The following MYO18A variants were observed in gnomAD, a reference collection of about 807,000 sequenced individuals.
The protein encoded by MYO18A is myosin XVIIIA.
Under a neutral mutation model 235.8 loss-of-function variants are expected in MYO18A, and 78 were observed. That is an observed-to-expected ratio of 0.33 (90% CI 0.28 to 0.40). The LOEUF (loss-of-function observed/expected upper bound fraction) is 0.40, where lower values mean the gene tolerates loss of function less well. Ranked by LOEUF, MYO18A falls within the 10% of genes least tolerant of loss-of-function variation. The probability of loss-of-function intolerance (pLI) is 1.00; values close to 1 mark genes in which losing one functional copy is unlikely to be tolerated. For synonymous variants in MYO18A, 977 were observed against 1,077.8 expected (o/e 0.91, Z 1.83); for missense variants, 2,215 against 2,699.3 (o/e 0.82, Z 3.98).
At chr17:29,128,603 A>T in intron 2 of MYO18A, 1 of 1,152,396 alleles carries the variant, frequency 8.7e-7, no homozygotes, top group Non-Finnish European at 1.1e-6. Context: ...TGCCCATCCC[A>T]TGCAGAGGGA....
In MYO18A at chr17:29,120,996, A is replaced by G; in HGVS notation, c.1585+2T>C. 1 of 1,608,618 alleles carries G rather than the reference A, an allele frequency of 6.2e-7. No individual in the cohort carries two copies. Among genetic ancestry groups the G allele is most frequent in the South Asian group, 1.1e-5 (1 of 90,002 alleles). On this transcript the variant is annotated splice_donor_variant, in intron 6 of 41. Transcript: ENST00000527372. LOFTEE classifies it high-confidence loss of function. This position sits in a 1 kb window ranked among gnomAD's most constrained non-coding sequence, Gnocchi z 4.2. ...CAGTTTTCTCCCTTGTCCCTGCCTC[A>G]CCAGAAAACACCTTGTTCCCGCTGA...
At chr17:29,162,822 C>T (rs2068202500) in intron 2 of MYO18A, among the ~76,000 whole-genome samples, 1 of 152,220 alleles carries the variant, frequency 6.6e-6, no homozygotes, top group Non-Finnish European at 1.5e-5. Flanking sequence ...CACAAATCTA[C>T]CCTACCACTG....
At chr17:29,110,298 C>T in intron 18 of MYO18A, 138 bp downstream of exon 18, 4 of 1,270,722 alleles carry the variant, frequency 3.1e-6, no homozygotes, top group Non-Finnish European at 4.2e-6. Flanking sequence ...AAGAAGACCC[C>T]CACCTGCAGC....
intron 36 of MYO18A, 100 bp downstream of exon 36, chr17:29,090,432 T>A: frequency 9.8e-7 from 1 of 1,024,672 alleles, no homozygotes; most frequent in Non-Finnish European, 1.5e-6. Flanking sequence ...GGATTACTGA[T>A]GGCAGAGAAA....
chr17:29,108,262 T>A (rs1342890703), intron 19 of MYO18A, among the ~76,000 whole-genome samples: 6 of 152,094 alleles, frequency 3.9e-5, no homozygotes, highest in African/African-American at 1.2e-4. Flanking sequence ...CCAAAAAGAC[T>A]TGTAGATTCT....
At chr17:29,092,224 G>T in intron 34 of MYO18A, 119 bp downstream of exon 34, 1 of 714,438 alleles carries the variant, frequency 1.4e-6, no homozygotes, top group Non-Finnish European at 2.4e-6. Context: ...GTCCTGGCGT[G>T]AAAGGACCTG....
At chr17:29,130,236 G>A (rs1374317939) in intron 2 of MYO18A, among the ~76,000 whole-genome samples, 1 of 140,642 alleles carries the variant, frequency 7.1e-6, no homozygotes, top group Non-Finnish European at 1.5e-5. Context: ...GGAGGCAGAG[G>A]TTGCAATGAG....
chr17:29,165,930 G>A lies in MYO18A; in HGVS notation c.999+12C>T. 2.5e-6 allele frequency: 4 copies of A among 1,606,608 alleles called. No homozygotes were observed. The highest frequency in any genetic ancestry group is 3.4e-6 in the Non-Finnish European group (4 of 1,175,600). The stretch of plus-strand genomic sequence containing the variant: ...ATCCCTGCTTAGCCCAGGTGCCCAG[G>A]GAAGCACTCACATCGGATGGCTCCC... On this transcript the variant is annotated intron_variant, in intron 2 of 41. Coordinates refer to ENST00000527372, the MANE Select transcript of MYO18A (RefSeq NM_078471.4).
intron 41 of MYO18A, 115 bp from the exon 42 acceptor site, chr17:29,075,029 C>T: frequency 7.9e-7 from 1 of 1,271,642 alleles, no homozygotes; most frequent in Non-Finnish European, 1.1e-6. Context: ...AAAAGCCAAA[C>T]ATTGTTAAGT....
intron 1 of MYO18A, among the ~76,000 whole-genome samples, chr17:29,173,205 G>A (rs2068445150): frequency 6.6e-6 from 1 of 151,448 alleles, no homozygotes; most frequent in African/African-American, 2.4e-5. Context: ...CAATTCTCCT[G>A]CCTCAGCCTC....
Position 29,097,792 on chromosome 17 carries a change from A to T in MYO18A, c.4098T>A (p.Asp1366Glu), listed in dbSNP as rs377313144. 1.9e-6 allele frequency: 3 copies of T among 1,609,608 alleles called. No individual in the cohort carries two copies. Among genetic ancestry groups the T allele is most frequent in the South Asian group, 2.2e-5 (2 of 90,272 alleles). ...AEINGEVDDD[D>E]AGGEWRLKYE... ...CTCCTTGGGCCTCAGGCCCACCTGC[A>T]TCATCATCATCCACTTCCCCGTTGA... is the stretch of plus-strand genomic sequence containing the variant. Residue 1366 changes from aspartate (D) to glutamate (E), a missense_variant, in exon 26 of 42, where the codon GAT (aspartate) becomes GAA (glutamate). Physicochemically the swap from Asp to Glu is conservative, Grantham distance 45. Coordinates refer to ENST00000527372, the MANE Select transcript of MYO18A (RefSeq NM_078471.4).
intron 19 of MYO18A, among the ~76,000 whole-genome samples, chr17:29,108,543 C>T (rs2066848609): frequency 1.3e-5 from 2 of 152,330 alleles, no homozygotes; most frequent in East Asian, 1.9e-4. Flanking sequence ...GTCACAAAGG[C>T]TGCTGCTGGG....
chr17:29,130,827 C>A (rs1029243850), intron 2 of MYO18A, among the ~76,000 whole-genome samples: 1 of 152,268 alleles, frequency 6.6e-6, no homozygotes, highest in African/African-American at 2.4e-5. Context: ...TATCCCAATG[C>A]GCTGGGGCTG....
At chr17:29,099,853 G>A (rs2066612671) in intron 21 of MYO18A, 91 bp from the exon 22 acceptor site, 9 of 1,525,034 alleles carry the variant, frequency 5.9e-6, no homozygotes, top group South Asian at 5.1e-5. Flanking sequence ...AAACAAGCAG[G>A]CCAGGGAGTA....
rs2066917830 is a variant in MYO18A, at chr17:29,111,116, T to C, written c.2900+308A>G. Among the ~76,000 whole-genome samples, 1 of 152,184 alleles carries C rather than the reference T, an allele frequency of 6.6e-6. No homozygotes were observed. Among genetic ancestry groups the C allele is most frequent in the Non-Finnish European group, 1.5e-5 (1 of 68,026 alleles). ...GCAGGGTAGGTGCCCACTAACCATC[T>C]TCTGAAGAGTAGAACGGATGACAGG... On this transcript the variant is annotated intron_variant, in intron 17 of 41. Coordinates refer to ENST00000527372, the MANE Select transcript of MYO18A (RefSeq NM_078471.4). This position sits in a 1 kb window ranked among gnomAD's most constrained non-coding sequence, Gnocchi z 5.1.
Position 29,086,943 on chromosome 17 carries a change from T to C in MYO18A, c.5705A>G (p.His1902Arg), listed in dbSNP as rs1239954631. 1 of 1,612,600 alleles carries C rather than the reference T, an allele frequency of 6.2e-7. No homozygotes were observed. Among genetic ancestry groups the C allele is most frequent in the African/African-American group, 1.3e-5 (1 of 74,936 alleles). ...RKEAEASRKK[H>R]ELEMDLESLE... Reference sequence around the variant, plus strand: ...GGGGACAGGGGGCATTACCAGTTCGTGCTTCTTGCGGCTCGCCTCGGCCTC... The same window carrying C: ...GGGGACAGGGGGCATTACCAGTTCGCGCTTCTTGCGGCTCGCCTCGGCCTC... The change falls in exon 38 of 42, where the codon CAC (histidine) becomes CGC (arginine). Residue 1902 changes from histidine (H) to arginine (R), a missense_variant. Transcript: ENST00000527372.
chr17:29,179,530 C>T (rs1252206296), intron 1 of MYO18A, among the ~76,000 whole-genome samples: 1 of 152,220 alleles, frequency 6.6e-6, no homozygotes, highest in East Asian at 1.9e-4. Flanking sequence ...GGCGAAACAA[C>T]TGGCATGACA....
intron 2 of MYO18A, among the ~76,000 whole-genome samples, chr17:29,161,921 T>G (rs2068183070): frequency 6.6e-6 from 1 of 152,210 alleles, no homozygotes; most frequent in Non-Finnish European, 1.5e-5. Context: ...TTCAGCAAAC[T>G]TAAGAGTAAC....
In MYO18A at chr17:29,118,265, T is replaced by C; in HGVS notation, c.1894-76A>G. 6.4e-7 allele frequency: 1 copy of C among 1,556,942 alleles called. No homozygotes were observed. The highest frequency in any genetic ancestry group is 8.7e-7 in the Non-Finnish European group (1 of 1,146,284). On this transcript the variant is annotated intron_variant, in intron 9 of 41. Transcript: ENST00000527372. This position sits in a 1 kb window ranked among gnomAD's most constrained non-coding sequence, Gnocchi z 4.2. The stretch of plus-strand genomic sequence containing the variant: ...GAGGCTGGGCCCTCAGGGCAAGGCT[T>C]GGGTAGAGCCAGCAGCTGGAGCTGG...
Sources: allele counts gnomAD v4.1 joint callset (sites outside exome capture counted in the v4.1 genomes callset), GRCh38; gene constraint gnomAD v4.1.1; non-coding constraint Gnocchi (gnomAD v3.1); transcripts MANE v1.5; gene names NCBI Gene and HGNC (gene_info 2026-07-23, HGNC 2026-07-21).